Variants in SLC38A9 observed in about 807,000 individuals in gnomAD.
SLC38A9 encodes the protein neutral amino acid transporter 9.
In SLC38A9, 48 loss-of-function variants were observed where a neutral mutation model predicts 62.3. That is an observed-to-expected ratio of 0.77 (90% CI 0.61 to 0.98). The LOEUF is 0.98. Ranked by LOEUF, SLC38A9 falls within the 50% of genes least tolerant of loss-of-function variation. The pLI, the probability that SLC38A9 is intolerant of heterozygous loss-of-function variation, is 0.00. For synonymous variants in SLC38A9, 204 were observed against 227.7 expected (o/e 0.90, Z 0.94); for missense variants, 541 against 679.8 (o/e 0.80, Z 2.27).
At chr5:55,684,779 G>A (rs938115363) in intron 3 of SLC38A9, among the ~76,000 whole-genome samples, 15 of 152,166 alleles carry the variant, frequency 9.9e-5, no homozygotes, top group African/African-American at 1.4e-4. Context: ...TCAGCCTCCC[G>A]AGTAGCTGGG....
At chr5:55,652,448 T>A in intron 10 of SLC38A9, 81 bp downstream of exon 10, 3 of 614,636 alleles carry the variant, frequency 4.9e-6, no homozygotes, top group Non-Finnish European at 7.2e-6. Flanking sequence ...GGAAGGTAAC[T>A]CCCCAATCAG....
intron 10 of SLC38A9, among the ~76,000 whole-genome samples, chr5:55,652,218 T>C (rs60973406): frequency 0.59 from 88,983 of 150,564 alleles, 26,897 homozygotes; most frequent in South Asian, 0.7. Flanking sequence ...ATTAGCTGGG[T>C]GTGGTGGCGC....
intron 3 of SLC38A9, among the ~76,000 whole-genome samples, chr5:55,690,393 G>A (rs60751069): frequency 0.021 from 3,264 of 152,218 alleles, 111 homozygotes; most frequent in African/African-American, 0.074. Flanking sequence ...AAGTAACAGT[G>A]GAAAGTTGGA....
intron 7 of SLC38A9, among the ~76,000 whole-genome samples, chr5:55,665,418 G>A (rs564904226): frequency 3.3e-5 from 5 of 151,560 alleles, no homozygotes; most frequent in South Asian, 2.1e-4. Flanking sequence ...GCATAGTGGC[G>A]CGCCTGTAGT....
At chr5:55,685,046 T>C (rs1753567988) in intron 3 of SLC38A9, among the ~76,000 whole-genome samples, 1 of 152,212 alleles carries the variant, frequency 6.6e-6, no homozygotes. Flanking sequence ...TTTGTCTTCT[T>C]CCTGATTTAG....
intron 8 of SLC38A9, 40 bp from the exon 9 acceptor site, chr5:55,656,814 A>AAGAC: frequency 9.3e-7 from 1 of 1,069,902 alleles, no homozygotes; most frequent in Non-Finnish European, 1.4e-6. Context: ...CACTGAATGA[A>AAGAC]AGACACTAAA....
At chr5:55,665,413 G>A (rs2150310120) in intron 7 of SLC38A9, among the ~76,000 whole-genome samples, 1 of 151,950 alleles carries the variant, frequency 6.6e-6, no homozygotes. Context: ...GCTGGGCATA[G>A]TGGCGCGCCT....
At chr5:55,679,347 T>G (rs1391837438) in intron 3 of SLC38A9, among the ~76,000 whole-genome samples, 1 of 152,142 alleles carries the variant, frequency 6.6e-6, no homozygotes, top group Non-Finnish European at 1.5e-5. Context: ...AAACTGTTAC[T>G]TAGCTGAAAG....
chr5:55,692,063 TACTC>T (rs1754828704), intron 3 of SLC38A9, among the ~76,000 whole-genome samples: 1 of 152,204 alleles, frequency 6.6e-6, no homozygotes, highest in Non-Finnish European at 1.5e-5. Context: ...ATACTTGACA[TACTC>T]TGACAGCCAA....
chr5:55,697,823 T>A, intron 3 of SLC38A9, 23 bp downstream of exon 3: 1 of 1,239,734 alleles, frequency 8.1e-7, no homozygotes. Context: ...AATTATGAAA[T>A]GTGTTTTATT....
intron 3 of SLC38A9, chr5:55,691,049 TAA>T (rs1208413561): frequency 1.1e-5 from 7 of 634,338 alleles, no homozygotes; most frequent in East Asian, 5.4e-5. Context: ...GAGGACATTA[TAA>T]AAAAGAGTGC....
At chr5:55,705,711 T>G (rs1351698753) in intron 2 of SLC38A9, among the ~76,000 whole-genome samples, 1 of 15,494 alleles carries the variant, frequency 6.5e-5, no homozygotes, top group Admixed American at 4.5e-4. Context: ...CCTTAAACTC[T>G]TTTTTTTTTT....
At position 55,678,569 on chromosome 5, in the gene SLC38A9, T is replaced by G. The variant is rs141053221; in HGVS notation, c.114-5874A>C. 1.6e-4 allele frequency among the ~76,000 whole-genome samples: 25 copies of G among 151,810 alleles called. 1 individual carries two copies. The East Asian group carries it at 3.7e-3, about 22-fold the overall frequency. ...ACTAAATGTAAGAATTGAATGATAT[T>G]ATGGAGGATGAAAATTCATCATGCA... is the stretch of plus-strand genomic sequence containing the variant. On this transcript the variant is annotated intron_variant, in intron 3 of 15. Coordinates refer to ENST00000396865, the MANE Select transcript of SLC38A9 (RefSeq NM_173514.4).
In SLC38A9 at chr5:55,645,950, T is replaced by C. The variant is rs1158732456; in HGVS notation, c.1061-55A>G. On this transcript the variant is annotated intron_variant, in intron 11 of 15. Transcript: ENST00000396865. ...AAACTGACAATTAGAAAATGAGTAT[T>C]GGTAGCCAAAAGTTGACTACTAAAA... is the stretch of plus-strand genomic sequence containing the variant. 5.1e-6 allele frequency: 6 copies of C among 1,182,076 alleles called. No individual in the cohort carries two copies. In the East Asian group the frequency reaches 1.2e-4, roughly 24 times the overall value. 73.2% of individuals were successfully genotyped at this position (1,182,076 alleles called of 1,614,324 possible).
chr5:55,691,954 T>G, intron 3 of SLC38A9, among the ~76,000 whole-genome samples: 1 of 152,198 alleles, frequency 6.6e-6, no homozygotes, highest in Non-Finnish European at 1.5e-5. Context: ...CATCATACTT[T>G]CAGTCCAAAG....
intron 7 of SLC38A9, among the ~76,000 whole-genome samples, chr5:55,667,976 A>G (rs905328623): frequency 1.9e-4 from 29 of 152,154 alleles, no homozygotes; most frequent in African/African-American, 7.0e-4. Context: ...TTCGAGACCA[A>G]CTTGAGCAAC....
chr5:55,677,848 A>G (rs1752334402), intron 3 of SLC38A9, among the ~76,000 whole-genome samples: 1 of 150,534 alleles, frequency 6.6e-6, no homozygotes, highest in Non-Finnish European at 1.5e-5. Context: ...TCTGTCTATC[A>G]ACTCTTCTCC....
chr5:55,685,911 G>A (rs1178767773), intron 3 of SLC38A9, among the ~76,000 whole-genome samples: 1 of 152,154 alleles, frequency 6.6e-6, no homozygotes, highest in African/African-American at 2.4e-5. Flanking sequence ...CTGTCAGTTT[G>A]CTAAGGATAA....
At chr5:55,708,437 C>T (rs1176286852) in intron 2 of SLC38A9, among the ~76,000 whole-genome samples, 1 of 152,182 alleles carries the variant, frequency 6.6e-6, no homozygotes, top group African/African-American at 2.4e-5. Flanking sequence ...AAGGTATTGA[C>T]TGTGATTATT....
Sources: gnomAD v4.1 joint callset for allele counts (sites outside exome capture counted in the v4.1 genomes callset) on GRCh38, gnomAD v4.1.1 for gene constraint, MANE v1.5 for transcripts, NCBI Gene and HGNC (gene_info 2026-07-23, HGNC 2026-07-21) for gene names.